The following IKBKB-DT variants were observed in gnomAD, a reference collection of about 807,000 sequenced individuals.
IKBKB-DT encodes IKBKB divergent transcript.
intron 1 of IKBKB-DT, among the ~76,000 whole-genome samples, chr8:42,266,748 G>C (rs937595775): frequency 2.6e-5 from 4 of 152,064 alleles, no homozygotes; most frequent in Non-Finnish European, 5.9e-5. Flanking sequence ...CCAAAACCAA[G>C]ATGGCCACGA....
chr8:42,269,618 G>A (rs1422934907), intron 1 of IKBKB-DT, among the ~76,000 whole-genome samples: 2 of 149,120 alleles, frequency 1.3e-5, no homozygotes, highest in African/African-American at 4.9e-5. Flanking sequence ...GGAGGGGGAA[G>A]GAAGGAAGGA....
intron 3 of IKBKB-DT, among the ~76,000 whole-genome samples, chr8:42,243,135 G>A (rs1041777498): frequency 3.3e-5 from 5 of 152,270 alleles, no homozygotes; most frequent in African/African-American, 9.6e-5. Flanking sequence ...TTACCTACTG[G>A]GCGGTTGGAC....
At chr8:42,254,132 C>T (rs773143022) in intron 3 of IKBKB-DT, among the ~76,000 whole-genome samples, 14 of 152,176 alleles carry the variant, frequency 9.2e-5, no homozygotes, top group Non-Finnish European at 2.1e-4. Flanking sequence ...ATAAATTTTG[C>T]TTCTAAGAGA....
chr8:42,245,138 C>T (rs568911961), intron 3 of IKBKB-DT, among the ~76,000 whole-genome samples: 15 of 152,150 alleles, frequency 9.9e-5, no homozygotes, highest in Non-Finnish European at 4.4e-5. Context: ...GCCTGCAGTC[C>T]CAGCTACTCA....
intron 1 of IKBKB-DT, among the ~76,000 whole-genome samples, chr8:42,269,704 C>G (rs1807496136): frequency 6.6e-6 from 1 of 151,938 alleles, no homozygotes; most frequent in Non-Finnish European, 1.5e-5. Context: ...AGCCAGCGTG[C>G]CTAGCACAGC....
At chr8:42,269,819 CACA>C (rs945744609) in intron 1 of IKBKB-DT, among the ~76,000 whole-genome samples, 2 of 152,136 alleles carry the variant, frequency 1.3e-5, no homozygotes, top group Non-Finnish European at 2.9e-5. Context: ...ATTTGTCCCT[CACA>C]ACAACTCTGG....
chr8:42,249,815 A>G (rs1024005491), intron 3 of IKBKB-DT, among the ~76,000 whole-genome samples: 1 of 152,082 alleles, frequency 6.6e-6, no homozygotes, highest in Non-Finnish European at 1.5e-5. Context: ...GGTAGCTCAC[A>G]CCTGTCATCC....
intron 1 of IKBKB-DT, among the ~76,000 whole-genome samples, chr8:42,268,352 G>T (rs191877272): frequency 0.01 from 1,523 of 151,868 alleles, 24 homozygotes; most frequent in African/African-American, 0.035. Context: ...GGCCAGGATG[G>T]TCTTGATCTC....
intron 3 of IKBKB-DT, among the ~76,000 whole-genome samples, chr8:42,258,521 T>C (rs1438216235): frequency 2.0e-5 from 3 of 151,282 alleles, no homozygotes; most frequent in African/African-American, 7.3e-5. Flanking sequence ...CTGGATGGAG[T>C]GCAGTGGCGC....
At chr8:42,268,129 ATT>A (rs541093630) in intron 1 of IKBKB-DT, among the ~76,000 whole-genome samples, 1,639 of 130,336 alleles carry the variant, frequency 0.013, 21 homozygotes, top group African/African-American at 0.043. Flanking sequence ...GTGCTCAATA[ATT>A]TTTTTTTTTT....
chr8:42,266,653 A>G (rs1226058456), intron 1 of IKBKB-DT, among the ~76,000 whole-genome samples: 1 of 152,204 alleles, frequency 6.6e-6, no homozygotes, highest in Admixed American at 6.5e-5. Context: ...AAGTCACAGA[A>G]CGAGACAGGA....
intron 3 of IKBKB-DT, chr8:42,263,205 G>C (rs1807314734): frequency 6.6e-6 from 1 of 151,922 alleles, no homozygotes; most frequent in Admixed American, 6.6e-5. Context: ...TAGAGACAGG[G>C]TCTTGCCATC....
chr8:42,265,293 G>A (rs868394063), intron 2 of IKBKB-DT, among the ~76,000 whole-genome samples: 9 of 152,272 alleles, frequency 5.9e-5, no homozygotes, highest in Middle Eastern at 3.4e-3. Flanking sequence ...CACCACACCC[G>A]GGCAAAAGGG....
intron 3 of IKBKB-DT, among the ~76,000 whole-genome samples, chr8:42,244,858 A>G (rs1276568229): frequency 6.6e-6 from 1 of 152,204 alleles, no homozygotes; most frequent in Non-Finnish European, 1.5e-5. Flanking sequence ...TTTATAACCT[A>G]TGGAAAAAGC....
chr8:42,259,087 G>T (rs1330645501), intron 3 of IKBKB-DT, among the ~76,000 whole-genome samples: 2 of 151,800 alleles, frequency 1.3e-5, no homozygotes, highest in African/African-American at 4.8e-5. Flanking sequence ...ATGCAATGGC[G>T]CTATCTCGGT....
chr8:42,258,759 C>T (rs78366277), intron 3 of IKBKB-DT, among the ~76,000 whole-genome samples: 4,038 of 152,148 alleles, frequency 0.027, 86 homozygotes, highest in Non-Finnish European at 0.042. Context: ...TGAGCCACCG[C>T]GCCCAGCTGC....
intron 3 of IKBKB-DT, among the ~76,000 whole-genome samples, chr8:42,251,518 G>A (rs533457002): frequency 1.3e-5 from 2 of 152,348 alleles, no homozygotes; most frequent in African/African-American, 4.8e-5. Flanking sequence ...AGTTACATAG[G>A]ATAGGGTTTA....
intron 2 of IKBKB-DT, among the ~76,000 whole-genome samples, chr8:42,264,134 A>G (rs1034983063): frequency 6.7e-6 from 1 of 150,372 alleles, no homozygotes; most frequent in Non-Finnish European, 1.5e-5. Flanking sequence ...TTGGTATTTA[A>G]GTATACATAG....
chr8:42,270,084 G>C (rs751827063), intron 1 of IKBKB-DT, among the ~76,000 whole-genome samples: 4 of 152,220 alleles, frequency 2.6e-5, no homozygotes, highest in Admixed American at 6.5e-5. Flanking sequence ...AATCCAGTTT[G>C]CCTCCTTCTG....
Sources: gnomAD v4.1 joint callset for allele counts (sites outside exome capture counted in the v4.1 genomes callset) on GRCh38, gnomAD v4.1.1 for gene constraint, MANE v1.5 for transcripts, NCBI Gene and HGNC (gene_info 2026-07-23, HGNC 2026-07-21) for gene names.